The following OSBPL10 variants were observed in gnomAD, a reference collection of about 807,000 sequenced individuals.
OSBPL10 encodes the protein oxysterol-binding protein-related protein 10.
In OSBPL10, 49 loss-of-function variants were observed where a neutral mutation model predicts 81.7. The observed-to-expected ratio is 0.60, with a 90% CI of 0.48 to 0.76. OSBPL10 has a LOEUF of 0.76. Ranked by LOEUF, OSBPL10 falls within the 30% of genes least tolerant of loss-of-function variation. The pLI is 0.00. For missense variants in OSBPL10, 923 were observed against 987.8 expected (o/e 0.93, Z 0.88); for synonymous variants, 419 against 383.6 (o/e 1.09, Z -1.08).
intron 8 of OSBPL10, 73 bp from the exon 9 acceptor site, chr3:31,671,056 G>C: frequency 7.1e-7 from 1 of 1,402,590 alleles, no homozygotes; most frequent in Non-Finnish European, 9.6e-7. Flanking sequence ...AAGAAATGAA[G>C]ATGGGAAACC....
chr3:31,780,277 A>G (rs1338683508), intron 4 of OSBPL10, among the ~76,000 whole-genome samples: 9 of 152,166 alleles, frequency 5.9e-5, no homozygotes, highest in Admixed American at 5.9e-4. Context: ...TGGGTGACAG[A>G]GCAAGACTCC....
intron 1 of OSBPL10, among the ~76,000 whole-genome samples, chr3:31,958,643 C>T (rs1230586097): frequency 6.6e-6 from 1 of 152,170 alleles, no homozygotes; most frequent in East Asian, 1.9e-4. Flanking sequence ...ACCATGGATG[C>T]TACATTTCAA....
At chr3:31,850,721 G>C (rs758789399) in intron 3 of OSBPL10, among the ~76,000 whole-genome samples, 8 of 152,128 alleles carry the variant, frequency 5.3e-5, no homozygotes, top group Non-Finnish European at 7.4e-5. Flanking sequence ...TTATAATCAC[G>C]ATATTAATAG....
chr3:31,663,936 G>T, intron 11 of OSBPL10, 143 bp downstream of exon 11: 2 of 1,573,766 alleles, frequency 1.3e-6, no homozygotes, highest in Admixed American at 1.8e-5. Context: ...TCCAAAGCTG[G>T]AGTCAGAACC....
intron 7 of OSBPL10, among the ~76,000 whole-genome samples, chr3:31,691,489 G>A (rs1695548924): frequency 6.6e-6 from 1 of 152,164 alleles, no homozygotes; most frequent in Non-Finnish European, 1.5e-5. Context: ...AGAGGCTGAG[G>A]TGGGAGGATC....
intron 4 of OSBPL10, among the ~76,000 whole-genome samples, chr3:31,791,458 C>A (rs1699007849): frequency 6.6e-6 from 1 of 152,196 alleles, no homozygotes; most frequent in African/African-American, 2.4e-5. Flanking sequence ...GAGGTTCTGA[C>A]ATTTTCTGAT....
chr3:32,008,302 G>A (rs540288865), intron 2 of OSBPL10, among the ~76,000 whole-genome samples: 2 of 148,750 alleles, frequency 1.3e-5, no homozygotes, highest in African/African-American at 2.5e-5. Context: ...ACAGGTGCCC[G>A]CCACAATGCT....
intron 8 of OSBPL10, among the ~76,000 whole-genome samples, chr3:31,674,592 T>C (rs757365083): frequency 3.9e-5 from 2 of 51,086 alleles, no homozygotes; most frequent in Non-Finnish European, 6.7e-5. Context: ...ATTAGATAGA[T>C]AGATAGATAG....
chr3:31,692,671 G>A (rs1305343828), intron 7 of OSBPL10, among the ~76,000 whole-genome samples: 3 of 152,154 alleles, frequency 2.0e-5, no homozygotes, highest in African/African-American at 4.8e-5. Context: ...CTCAAGCCAG[G>A]GCACAGTGCT....
At chr3:31,732,974 G>A in intron 6 of OSBPL10, 1 of 463,788 alleles carries the variant, frequency 2.2e-6, no homozygotes, top group Non-Finnish European at 3.8e-6. Context: ...TAACGGGTCT[G>A]TTCGAATTTC....
intron 3 of OSBPL10, among the ~76,000 whole-genome samples, chr3:31,833,862 A>T (rs28589440): frequency 6.6e-6 from 1 of 152,154 alleles, no homozygotes; most frequent in African/African-American, 2.4e-5. Flanking sequence ...AATCAGATTC[A>T]CCCAAGAGCA....
At chr3:31,741,156 TTTTCCAAAATAGAATAAGA>T (rs1365048716) in intron 5 of OSBPL10, among the ~76,000 whole-genome samples, 1 of 152,198 alleles carries the variant, frequency 6.6e-6, no homozygotes, top group East Asian at 1.9e-4. Context: ...CATAAAATGG[TTTTCCAAAATAGAATAAGA>T]TTGAAATTCA....
intron 4 of OSBPL10, among the ~76,000 whole-genome samples, chr3:31,783,861 A>ATATATAT (rs1553625220): frequency 1.1e-5 from 1 of 89,964 alleles, no homozygotes; most frequent in Non-Finnish European, 2.5e-5. Flanking sequence ...TATATATATG[A>ATATATAT]ATGAATAAAT....
chr3:31,997,215 G>A (rs1699098179), intron 2 of OSBPL10, among the ~76,000 whole-genome samples: 1 of 152,018 alleles, frequency 6.6e-6, no homozygotes, highest in South Asian at 2.1e-4. Flanking sequence ...ATGTCAATAG[G>A]CAGTGTTTAA....
chr3:31,836,419 T>C lies in OSBPL10; in HGVS notation c.538-6188A>G, dbSNP rs113813929. Among the ~76,000 whole-genome samples, 1,006 of 152,158 alleles carry C rather than the reference T, an allele frequency of 6.6e-3. 15 individuals are homozygous for C. Among genetic ancestry groups the C allele is most frequent in the South Asian group, 0.056 (271 of 4,808 alleles). Reference sequence around the variant, plus strand: ...ACGCAAATGCCAGATTTCTGAAAAATTGTCACAAGCAAATGCATATATTTC... The same window carrying C: ...ACGCAAATGCCAGATTTCTGAAAAACTGTCACAAGCAAATGCATATATTTC... On this transcript the variant is annotated intron_variant, in intron 3 of 11. Transcript: ENST00000396556.
At chr3:31,663,521 T>A in intron 11 of OSBPL10, 1 of 998,936 alleles carries the variant, frequency 1.0e-6, no homozygotes, top group Non-Finnish European at 1.2e-6. Flanking sequence ...TGCCCAGATA[T>A]TATTTCTAGC....
intron 4 of OSBPL10, among the ~76,000 whole-genome samples, chr3:31,825,943 T>G (rs888155703): frequency 3.3e-5 from 5 of 152,218 alleles, no homozygotes; most frequent in African/African-American, 4.8e-5. Context: ...TACATGTCCA[T>G]GTAGTAATAA....
chr3:31,680,769 G>A (rs1409429997), intron 8 of OSBPL10, among the ~76,000 whole-genome samples: 1 of 152,120 alleles, frequency 6.6e-6, no homozygotes, highest in Non-Finnish European at 1.5e-5. Context: ...TGGAAACCCT[G>A]GAGCATATGG....
chr3:31,787,324 C>A (rs1251767055), intron 4 of OSBPL10, among the ~76,000 whole-genome samples: 1 of 152,126 alleles, frequency 6.6e-6, no homozygotes, highest in Non-Finnish European at 1.5e-5. Flanking sequence ...ATAGGCTGGG[C>A]ATGGTGGCTC....
Sources: allele counts gnomAD v4.1 joint callset (sites outside exome capture counted in the v4.1 genomes callset), GRCh38; gene constraint gnomAD v4.1.1; transcripts MANE v1.5; gene names NCBI Gene and HGNC (gene_info 2026-07-23, HGNC 2026-07-21).